GMDS: variants seen among roughly 807,000 people sequenced by gnomAD.
GMDS encodes the protein GDP-mannose 4,6 dehydratase.
GMDS carries 20 observed loss-of-function variants against 49.9 expected under a neutral mutation model. The observed-to-expected ratio is 0.40, with a 90% CI of 0.28 to 0.58. GMDS has a LOEUF of 0.58. GMDS is among the 20% of genes least tolerant of loss of function. GMDS has a pLI of 0.42. For missense variants in GMDS, 362 were observed against 481.4 expected, an observed-to-expected ratio of 0.75 and a Z score of 2.32; for synonymous variants, 177 against 178.6, an observed-to-expected ratio of 0.99 and a Z score of 0.07.
intron 9 of GMDS, among the ~76,000 whole-genome samples, chr6:1,657,989 G>A (rs61626924): frequency 0.056 from 8,450 of 152,232 alleles, 277 homozygotes; most frequent in Middle Eastern, 0.086. Context: ...CTTGCGTAGC[G>A]CCGGGGTCTG....
intron 4 of GMDS, among the ~76,000 whole-genome samples, chr6:1,991,672 C>T (rs1718103490): frequency 6.6e-6 from 1 of 152,192 alleles, no homozygotes; most frequent in Admixed American, 6.5e-5. Flanking sequence ...ACTGGCTTTT[C>T]TGGATCCAGG....
chr6:1,805,222 G>C (rs960735255), intron 7 of GMDS, among the ~76,000 whole-genome samples: 1 of 152,164 alleles, frequency 6.6e-6, no homozygotes, highest in Admixed American at 6.5e-5. Context: ...ATTAATATAA[G>C]AAGGGGTCTG....
chr6:1,746,285 C>A (rs1238386765), intron 7 of GMDS, among the ~76,000 whole-genome samples: 4 of 152,154 alleles, frequency 2.6e-5, no homozygotes, highest in Admixed American at 2.6e-4. Flanking sequence ...CTTTTGGTGT[C>A]CTTTGAGGAT....
At chr6:1,921,132 T>C (rs1055179088) in intron 7 of GMDS, among the ~76,000 whole-genome samples, 1 of 152,220 alleles carries the variant, frequency 6.6e-6, no homozygotes, top group Non-Finnish European at 1.5e-5. Context: ...ACAGGCACTA[T>C]ACCTAACCCA....
At chr6:2,182,167 C>A (rs9503115) in intron 1 of GMDS, among the ~76,000 whole-genome samples, 4,933 of 152,302 alleles carry the variant, frequency 0.032, 283 homozygotes, top group African/African-American at 0.11. Context: ...TAATCCAGAG[C>A]AAGGCTCTAA....
At chr6:2,152,478 T>C (rs1776891064) in intron 1 of GMDS, among the ~76,000 whole-genome samples, 1 of 151,962 alleles carries the variant, frequency 6.6e-6, no homozygotes, top group Non-Finnish European at 1.5e-5. Context: ...TTCAAGAAAA[T>C]TATGCTGGGA....
At chr6:1,848,831 G>A (rs1757531009) in intron 7 of GMDS, among the ~76,000 whole-genome samples, 1 of 152,176 alleles carries the variant, frequency 6.6e-6, no homozygotes, top group Non-Finnish European at 1.5e-5. Flanking sequence ...ATAGTGAAGT[G>A]GGCTGATAGG....
At chr6:1,873,741 G>A (rs1307701576) in intron 7 of GMDS, among the ~76,000 whole-genome samples, 1 of 152,136 alleles carries the variant, frequency 6.6e-6, no homozygotes, top group Non-Finnish European at 1.5e-5. Context: ...CTTCAGTAAC[G>A]CCAGCTTGGT....
In GMDS at chr6:1,953,262, T is replaced by C. The variant is rs181455178; in HGVS notation, c.643+6605A>G. Among the ~76,000 whole-genome samples the C allele has an allele frequency of 3.0e-3, 453 of 152,098 alleles. 1 individual carries two copies. The highest frequency in any genetic ancestry group is 5.1e-3 in the Non-Finnish European group (348 of 68,010). On this transcript the variant is annotated intron_variant, in intron 6 of 10. Coordinates refer to ENST00000380815, the MANE Select transcript of GMDS (RefSeq NM_001500.4). Reference sequence around the variant, plus strand: ...GAAACCGAGGCTGCTGTTCTTAGTGTAGGAAATCAAAGCGGCTAATTCTAC... The same window carrying C: ...GAAACCGAGGCTGCTGTTCTTAGTGCAGGAAATCAAAGCGGCTAATTCTAC...
intron 9 of GMDS, among the ~76,000 whole-genome samples, chr6:1,637,898 G>A (rs529628673): frequency 4.6e-5 from 7 of 152,304 alleles, no homozygotes; most frequent in East Asian, 1.9e-4. Context: ...TGTGCCACTC[G>A]AGGTGGATCC....
intron 9 of GMDS, among the ~76,000 whole-genome samples, chr6:1,629,329 C>A (rs560773352): frequency 6.6e-6 from 1 of 152,260 alleles, no homozygotes; most frequent in Non-Finnish European, 1.5e-5. Context: ...TGCTGTCTAT[C>A]CACACAAACT....
intron 1 of GMDS, among the ~76,000 whole-genome samples, chr6:2,162,721 G>A (rs1452943281): frequency 7.0e-6 from 1 of 142,054 alleles, no homozygotes; most frequent in Non-Finnish European, 1.5e-5. Context: ...AAACTTTCCT[G>A]GTGCTTCCCT....
At chr6:1,817,518 T>C (rs1247155188) in intron 7 of GMDS, among the ~76,000 whole-genome samples, 1 of 152,204 alleles carries the variant, frequency 6.6e-6, no homozygotes, top group Non-Finnish European at 1.5e-5. Flanking sequence ...TCTAGGAATA[T>C]ACAGTTTTGC....
intron 7 of GMDS, among the ~76,000 whole-genome samples, chr6:1,872,669 A>G (rs1420291060): frequency 1.3e-5 from 2 of 152,272 alleles, no homozygotes; most frequent in Non-Finnish European, 2.9e-5. Context: ...CTAATAAGTC[A>G]AAGAGCAAGC....
chr6:2,219,735 TA>T (rs35413061), intron 1 of GMDS, among the ~76,000 whole-genome samples: 1 of 151,620 alleles, frequency 6.6e-6, no homozygotes, highest in Admixed American at 6.6e-5. Flanking sequence ...CCAGAAACTT[TA>T]AAAAAAAATT....
intron 4 of GMDS, among the ~76,000 whole-genome samples, chr6:2,065,029 C>T (rs1184231615): frequency 6.6e-6 from 1 of 152,122 alleles, no homozygotes; most frequent in East Asian, 1.9e-4. Context: ...TACTGTCTGA[C>T]AGCTTTGAAG....
chr6:1,675,821 C>G (rs777039613), intron 9 of GMDS, among the ~76,000 whole-genome samples: 10 of 151,040 alleles, frequency 6.6e-5, no homozygotes, highest in Non-Finnish European at 1.3e-4. Context: ...CCACTGCACT[C>G]CAACCTGGGC....
intron 4 of GMDS, among the ~76,000 whole-genome samples, chr6:2,016,482 CAG>C (rs1011829064): frequency 6.6e-6 from 1 of 152,096 alleles, no homozygotes; most frequent in African/African-American, 2.4e-5. Context: ...CAAAAGGAGA[CAG>C]AATCAAATTC....
chr6:1,895,703 T>C (rs1760128954), intron 7 of GMDS, among the ~76,000 whole-genome samples: 1 of 152,184 alleles, frequency 6.6e-6, no homozygotes, highest in Non-Finnish European at 1.5e-5. Context: ...AAAATGAACA[T>C]GCACGCCAGT....
Sources: gnomAD v4.1 joint callset for allele counts (sites outside exome capture counted in the v4.1 genomes callset) on GRCh38, gnomAD v4.1.1 for gene constraint, MANE v1.5 for transcripts, NCBI Gene and HGNC (gene_info 2026-07-23, HGNC 2026-07-21) for gene names.